Variants in CSMD1 observed in about 807,000 individuals in gnomAD.
The protein encoded by CSMD1 is CUB and Sushi multiple domains 1, also known as CUB and sushi domain-containing protein 1.
In CSMD1, 213 loss-of-function variants were observed where a neutral mutation model predicts 417.5. That is an observed-to-expected ratio of 0.51 (90% CI 0.46 to 0.57). The LOEUF (loss-of-function observed/expected upper bound fraction) is 0.57. CSMD1 is among the 20% of genes least tolerant of loss of function. The probability of loss-of-function intolerance (pLI) is 0.00; values close to 1 mark genes in which losing one functional copy is unlikely to be tolerated. For missense variants in CSMD1, 6,923 were observed against 4,529.7 expected (o/e 1.53, Z -15.17); for synonymous variants, 2,862 against 1,736.8 (o/e 1.65, Z -16.11).
chr8:3,872,625 C>G (rs1431922523), intron 5 of CSMD1, among the ~76,000 whole-genome samples: 3 of 152,092 alleles, frequency 2.0e-5, no homozygotes, highest in African/African-American at 4.8e-5. Context: ...TTTCCACAAT[C>G]CATTCATTTT....
Position 3,754,003 on chromosome 8 carries a change from G to C in CSMD1, c.858C>G (p.Ser286Arg), listed in dbSNP as rs777346120. ...GMNLPSPVIS[S>R]KNWLRLHFTS... ...TGAAATGGAGTCGTAGCCAATTCTT[G>C]CTACTGATAACTGGAGAGGGGAGGT... is the stretch of plus-strand genomic sequence containing the variant. Residue 286 changes from serine (S) to arginine (R), a missense_variant, in exon 6 of 70, where the codon AGC becomes AGG. Ser to Arg is a moderately radical substitution (Grantham distance 110). Transcript: ENST00000635120. 6.2e-6 allele frequency: 10 copies of C among 1,612,586 alleles called. No individual in the cohort carries two copies. The highest frequency in any genetic ancestry group is 1.3e-5 in the African/African-American group (1 of 74,762).
intron 5 of CSMD1, among the ~76,000 whole-genome samples, chr8:3,913,139 T>C (rs761469221): frequency 6.6e-6 from 1 of 152,092 alleles, no homozygotes; most frequent in African/African-American, 2.4e-5. Flanking sequence ...ACCTTGAAAT[T>C]TGAAGTATCC....
intron 5 of CSMD1, among the ~76,000 whole-genome samples, chr8:3,876,742 T>G (rs2129117341): frequency 6.6e-6 from 1 of 152,334 alleles, no homozygotes; most frequent in East Asian, 1.9e-4. Context: ...CCTGAGTACC[T>G]GGAAGCACAG....
chr8:4,962,367 T>C (rs946383636), intron 1 of CSMD1, among the ~76,000 whole-genome samples: 2 of 152,042 alleles, frequency 1.3e-5, no homozygotes, highest in Non-Finnish European at 2.9e-5. Context: ...CAAGCCATCT[T>C]GACTGCTTAA....
At chr8:4,653,753 G>C (rs749684782) in intron 1 of CSMD1, among the ~76,000 whole-genome samples, 1 of 152,094 alleles carries the variant, frequency 6.6e-6, no homozygotes, top group Non-Finnish European at 1.5e-5. Context: ...AACACATTTG[G>C]TTGAAACTCC....
chr8:3,351,612 A>C (rs1422145193), intron 21 of CSMD1, among the ~76,000 whole-genome samples: 1 of 148,998 alleles, frequency 6.7e-6, no homozygotes, highest in East Asian at 2.0e-4. Context: ...AAAAAAAAAA[A>C]AGAAAAGAAA....
At chr8:4,100,147 T>G (rs574868752) in intron 3 of CSMD1, among the ~76,000 whole-genome samples, 8 of 152,284 alleles carry the variant, frequency 5.3e-5, no homozygotes, top group African/African-American at 1.7e-4. Context: ...AATACCTTGG[T>G]TTTTATGTGA....
intron 2 of CSMD1, among the ~76,000 whole-genome samples, chr8:4,436,492 G>C (rs1425799715): frequency 2.0e-5 from 3 of 152,038 alleles, no homozygotes; most frequent in Non-Finnish European, 4.4e-5. Context: ...CTCAGGTTGA[G>C]GGGTATCTCT....
At chr8:4,774,401 G>T in intron 1 of CSMD1, among the ~76,000 whole-genome samples, 1 of 152,010 alleles carries the variant, frequency 6.6e-6, no homozygotes, top group South Asian at 2.1e-4. Flanking sequence ...CCTCCAGTTG[G>T]AAACATCCGC....
At position 4,032,020 on chromosome 8, in the gene CSMD1, G is replaced by A. The variant is rs1367779269; in HGVS notation, c.495C>T (p.Asp165=). 2.5e-6 allele frequency: 4 copies of A among 1,613,922 alleles called. No homozygotes were observed. The highest frequency in any genetic ancestry group is 3.4e-6 in the Non-Finnish European group (4 of 1,179,866). ...VLHGTRFNIG[D]KIRYSCLPGY... ...CAGGGAGGCAGCTGTACCGGATTTT[G>A]TCTCCTATGTTGAATCTCGTTCCAT... Residue 165 remains aspartate, a synonymous_variant, in exon 4 of 70, where the codon GAC becomes GAT. Coordinates refer to ENST00000635120, the MANE Select transcript of CSMD1 (RefSeq NM_033225.6).
At chr8:4,575,298 T>A (rs1799085620) in intron 2 of CSMD1, among the ~76,000 whole-genome samples, 2 of 152,240 alleles carry the variant, frequency 1.3e-5, no homozygotes, top group African/African-American at 4.8e-5. Flanking sequence ...GGTGTCCCTG[T>A]CCTTTTTATG....
intron 3 of CSMD1, among the ~76,000 whole-genome samples, chr8:4,414,747 G>A (rs1243176208): frequency 6.6e-6 from 1 of 152,138 alleles, no homozygotes; most frequent in African/African-American, 2.4e-5. Context: ...GTTGAGTTCA[G>A]ATTTTTATCC....
intron 5 of CSMD1, among the ~76,000 whole-genome samples, chr8:3,798,527 C>A (rs999976851): frequency 6.6e-6 from 1 of 151,950 alleles, no homozygotes; most frequent in African/African-American, 2.4e-5. Context: ...GGAAAGACAG[C>A]AAAGATCATA....
intron 25 of CSMD1, among the ~76,000 whole-genome samples, chr8:3,288,128 A>T (rs968153080): frequency 1.4e-5 from 2 of 147,470 alleles, no homozygotes; most frequent in African/African-American, 5.4e-5. Flanking sequence ...TTTGTTGAAC[A>T]AGCCATGCAT....
intron 21 of CSMD1, 139 bp downstream of exon 21, chr8:3,359,013 T>C (rs968053755): frequency 2.4e-5 from 17 of 708,866 alleles, no homozygotes; most frequent in Non-Finnish European, 3.5e-5. Context: ...TCTCCCCTGG[T>C]TGGCAGAGTG....
At chr8:3,452,362 C>T (rs115729633) in intron 12 of CSMD1, among the ~76,000 whole-genome samples, 1 of 152,084 alleles carries the variant, frequency 6.6e-6, no homozygotes, top group African/African-American at 2.4e-5. Flanking sequence ...TGTTGAATAG[C>T]AGTGGTGAGA....
At chr8:4,392,905 C>G (rs7830890) in intron 3 of CSMD1, among the ~76,000 whole-genome samples, 30,868 of 151,550 alleles carry the variant, frequency 0.2, 3,469 homozygotes, top group East Asian at 0.31. Context: ...GGAGACGGAG[C>G]TTGCAGTGAG....
At position 3,592,091 on chromosome 8, in the gene CSMD1, G is replaced by C. The variant is rs184472172; in HGVS notation, c.1098-5831C>G. On this transcript the variant is annotated intron_variant, in intron 8 of 69. Coordinates refer to ENST00000635120, the MANE Select transcript of CSMD1 (RefSeq NM_033225.6). ...GATGGAGGAATTGACGGATTAGAGAGACAGATAAATAGATGGATAGATACA... is the reference window on the plus strand; with the variant it reads ...GATGGAGGAATTGACGGATTAGAGACACAGATAAATAGATGGATAGATACA... Among the ~76,000 whole-genome samples the C allele has an allele frequency of 9.2e-5, 14 of 152,212 alleles. No individual in the cohort carries two copies. The East Asian group carries it at 2.7e-3, about 30-fold the overall frequency.
rs566107904 is a variant in CSMD1 at position 4,214,112 on chromosome 8, GTTT to G, written c.416-182016_416-182014del. On this transcript the variant is annotated intron_variant, in intron 3 of 69. Coordinates refer to ENST00000635120, the MANE Select transcript of CSMD1 (RefSeq NM_033225.6). ...ATCTTACTCCCTCAATTTCATTCCAGTTTTTTTGTTTGTTTTGTTTTGGCTTAG... is the reference window on the plus strand; with the variant it reads ...ATCTTACTCCCTCAATTTCATTCCAGTTTTGTTTGTTTTGTTTTGGCTTAG... Among the ~76,000 whole-genome samples the G allele has an allele frequency of 8.6e-5, 13 of 151,778 alleles. 1 individual carries two copies. In the South Asian group the frequency reaches 1.2e-3, roughly 15 times the overall value.
Sources: gnomAD v4.1 joint callset for allele counts (sites outside exome capture counted in the v4.1 genomes callset) on GRCh38, gnomAD v4.1.1 for gene constraint, MANE v1.5 for transcripts, NCBI Gene and HGNC (gene_info 2026-07-23, HGNC 2026-07-21) for gene names.